Variants in DMXL2 observed in about 807,000 individuals in gnomAD.
DMXL2 encodes dmX-like protein 2.
A neutral mutation model predicts 331.1 loss-of-function variants in DMXL2; 103 were observed. That is an observed-to-expected ratio of 0.31 (90% CI 0.27 to 0.37). The LOEUF (loss-of-function observed/expected upper bound fraction) is 0.37. Ranked by LOEUF, DMXL2 falls within the 10% of genes least tolerant of loss-of-function variation. The probability of loss-of-function intolerance (pLI) is 1.00; values close to 1 mark genes in which losing one functional copy is unlikely to be tolerated. For missense variants in DMXL2, 3,171 were observed against 3,642.9 expected (o/e 0.87, Z 3.33); for synonymous variants, 1,281 against 1,252.1 (o/e 1.02, Z -0.49).
intron 1 of DMXL2, among the ~76,000 whole-genome samples, chr15:51,583,069 C>T (rs1334490509): frequency 6.8e-6 from 1 of 147,122 alleles, no homozygotes; most frequent in Non-Finnish European, 1.5e-5. Flanking sequence ...TCTTGAAGAA[C>T]TTTCTACATC....
At chr15:51,594,995 C>G (rs1456630821) in intron 1 of DMXL2, among the ~76,000 whole-genome samples, 1 of 152,190 alleles carries the variant, frequency 6.6e-6, no homozygotes. Flanking sequence ...GAAGCATTCC[C>G]TTTGAAAACT....
In DMXL2 at chr15:51,536,704, T is replaced by C. The variant is rs1458649487; in HGVS notation, c.1776A>G (p.Ser592=). 9 of 1,614,088 alleles carry C rather than the reference T, an allele frequency of 5.6e-6. No homozygotes were observed. Among genetic ancestry groups the C allele is most frequent in the Non-Finnish European group, 6.8e-6 (8 of 1,179,976 alleles). ...TACTGTGGGATCTAGAGTGTGGCTGTGATCCGTGAGGACTGCCTACAGACA... is the reference window on the plus strand; with the variant it reads ...TACTGTGGGATCTAGAGTGTGGCTGCGATCCGTGAGGACTGCCTACAGACA... The part of the protein sequence containing the change: ...EGMSVGSPHG[S]QPHSRSHSTH... The change falls in exon 12 of 44, where the codon TCA becomes TCG. Residue 592 remains serine, a synonymous_variant. Transcript: ENST00000560891.
At position 51,497,815 on chromosome 15, in the gene DMXL2, G is replaced by C. The variant is rs570222275; in HGVS notation, c.4672+737C>G. On this transcript the variant is annotated intron_variant, in intron 18 of 43. Coordinates refer to ENST00000560891, the MANE Select transcript of DMXL2 (RefSeq NM_001378457.1). ...AATTGTAAAAAGTTGTTTATGGCTA[G>C]AAATGGGAAGACCAACAAGTTGAGC... Among the ~76,000 whole-genome samples, 121 of 152,322 alleles carry C rather than the reference G, an allele frequency of 7.9e-4. 10 individuals carry two copies. In the East Asian group the frequency reaches 0.023, roughly 29 times the overall value.
At chr15:51,505,979 A>G (rs1319377038) in intron 16 of DMXL2, among the ~76,000 whole-genome samples, 1 of 152,246 alleles carries the variant, frequency 6.6e-6, no homozygotes, top group Non-Finnish European at 1.5e-5. Context: ...TCTTTGCTTC[A>G]TACTACAGAT....
chr15:51,594,099 A>G (rs1026689944), intron 1 of DMXL2, among the ~76,000 whole-genome samples: 1 of 151,896 alleles, frequency 6.6e-6, no homozygotes, highest in Admixed American at 6.6e-5. Flanking sequence ...GACACAAAAA[A>G]CCCTTCAAAA....
intron 16 of DMXL2, among the ~76,000 whole-genome samples, chr15:51,505,295 T>G (rs920416156): frequency 6.6e-6 from 1 of 152,230 alleles, no homozygotes; most frequent in Non-Finnish European, 1.5e-5. Flanking sequence ...TACTGTAATC[T>G]CATTGTCTGT....
chr15:51,480,706 A>ATCT lies in DMXL2; in HGVS notation c.6397_6399dup (p.Arg2133dup). 6.2e-7 allele frequency: 1 copy of ATCT among 1,609,668 alleles called. No individual in the cohort carries two copies. Among genetic ancestry groups the ATCT allele is most frequent in the Non-Finnish European group, 8.5e-7 (1 of 1,177,450 alleles). ...TCTGCATGCTCTCGTTTGGCCTGCA[A>ATCT]TCTTCTTCTTTCTATTTGATGGCGC... On this transcript the variant is annotated inframe_insertion, in exon 24 of 44. Transcript: ENST00000560891.
At chr15:51,611,757 G>A (rs149566685) in intron 1 of DMXL2, among the ~76,000 whole-genome samples, 1 of 152,294 alleles carries the variant, frequency 6.6e-6, no homozygotes, top group Non-Finnish European at 1.5e-5. Flanking sequence ...TGGGGACTTG[G>A]AGAACTTTTC....
rs931514844 is a variant in DMXL2, at chr15:51,459,739, G to T, written c.7927-79C>A. On this transcript the variant is annotated intron_variant, in intron 33 of 43. Coordinates refer to ENST00000560891, the MANE Select transcript of DMXL2 (RefSeq NM_001378457.1). Reference sequence around the variant, plus strand: ...TAAAGACAGTGAAATATTTCAAGCTGAAATGGCCACTCCACCACTTAAAGA... The same window carrying T: ...TAAAGACAGTGAAATATTTCAAGCTTAAATGGCCACTCCACCACTTAAAGA... 3 of 1,274,968 alleles carry T rather than the reference G, an allele frequency of 2.4e-6. No individual in the cohort carries two copies. The African/African-American group carries it at 4.6e-5, about 19-fold the overall frequency. 79.0% of individuals were successfully genotyped at this position (1,274,968 alleles called of 1,614,324 possible).
intron 23 of DMXL2, 27 bp from the exon 24 acceptor site, chr15:51,481,650 C>T (rs746228814): frequency 2.7e-6 from 4 of 1,508,916 alleles, no homozygotes; most frequent in Middle Eastern, 1.8e-4. Context: ...GATAAAATCA[C>T]AAAGCATTGT....
At chr15:51,452,825 A>T (rs946652206) in intron 41 of DMXL2, among the ~76,000 whole-genome samples, 2 of 152,242 alleles carry the variant, frequency 1.3e-5, no homozygotes, top group Non-Finnish European at 2.9e-5. Context: ...CACAATTGCA[A>T]AACTATGGAA....
In DMXL2 at chr15:51,499,727, T is replaced by C. The variant is rs781292284; in HGVS notation, c.3497A>G (p.Lys1166Arg). The change falls in exon 18 of 44, where the codon AAA (lysine) becomes AGA (arginine). Residue 1166 changes from lysine to arginine, a missense_variant. Coordinates refer to ENST00000560891, the MANE Select transcript of DMXL2 (RefSeq NM_001378457.1). ...SKDRYLIPNI[K>R]HLVHLDWVSK... ...TACCCAGTCCAAATGTACTAAATGTTTGATATTCGGAATAAGATATCTATC... is the reference window on the plus strand; with the variant it reads ...TACCCAGTCCAAATGTACTAAATGTCTGATATTCGGAATAAGATATCTATC... 6 of 1,614,140 alleles carry C rather than the reference T, an allele frequency of 3.7e-6. No individual in the cohort carries two copies. The Admixed American group carries it at 1.0e-4, about 27-fold the overall frequency.
intron 13 of DMXL2, 21 bp downstream of exon 13, chr15:51,535,642 T>C (rs771646844): frequency 5.7e-5 from 90 of 1,568,506 alleles, no homozygotes; most frequent in Non-Finnish European, 7.6e-5. Context: ...GATAAATTAA[T>C]AAAGATTATT....
chr15:51,463,280 C>G (rs2040287588), intron 33 of DMXL2, 99 bp downstream of exon 33: 2 of 737,788 alleles, frequency 2.7e-6, no homozygotes. Flanking sequence ...ATTACCCAAC[C>G]AGAAAGAAAA....
intron 16 of DMXL2, among the ~76,000 whole-genome samples, chr15:51,505,955 A>G (rs1183063974): frequency 6.6e-6 from 1 of 152,262 alleles, no homozygotes; most frequent in East Asian, 1.9e-4. Flanking sequence ...TTTTTAAAAA[A>G]TCTGTGATCA....
rs1327618137 is a variant in DMXL2, at chr15:51,535,693, T to C, written c.2406A>G (p.Leu802=). The stretch of plus-strand genomic sequence containing the variant: ...ATTCTGGGTCTGACAATTCATCTAA[T>C]AATTTCCTTGCATCCACTACAGCTT... ...LYQAVVDARK[L]LDELSDPESS... Residue 802 remains leucine, a synonymous_variant, in exon 13 of 44, where the codon TTA becomes TTG. Transcript: ENST00000560891. The C allele has an allele frequency of 2.5e-6, 4 of 1,606,506 alleles. No homozygotes were observed. The highest frequency in any genetic ancestry group is 3.4e-6 in the Non-Finnish European group (4 of 1,176,684).
rs2047071341 is a variant in DMXL2 at position 51,516,985 on chromosome 15, G to T, written c.2526+93C>A. 2.2e-5 allele frequency: 22 copies of T among 996,526 alleles called. No homozygotes were observed. The South Asian group carries it at 2.9e-4, about 13-fold the overall frequency. The allele number at this position is 996,526 out of a possible 1,614,324, so 61.7% of individuals were successfully genotyped here. On this transcript the variant is annotated intron_variant, in intron 14 of 43. Coordinates refer to ENST00000560891, the MANE Select transcript of DMXL2 (RefSeq NM_001378457.1). ...GTTGTCTGCATTTAATAACAAACAA[G>T]AAAATTATTCTGAGAATGACATATA...
intron 13 of DMXL2, among the ~76,000 whole-genome samples, chr15:51,517,973 A>G (rs997044191): frequency 3.3e-5 from 5 of 152,172 alleles, no homozygotes; most frequent in African/African-American, 1.2e-4. Flanking sequence ...GTAGGGCTGA[A>G]TTTACTGATA....
chr15:51,480,088 G>A lies in DMXL2; in HGVS notation c.6616C>T (p.Pro2206Ser). 1 of 1,597,878 alleles carries A rather than the reference G, an allele frequency of 6.3e-7. No individual in the cohort carries two copies. Residue 2206 changes from proline (P) to serine (S), a missense_variant, in exon 25 of 44, where the codon CCT becomes TCT. Physicochemically the swap from Pro to Ser is moderately conservative, Grantham distance 74 (BLOSUM62 -1). This residue lies in a region of DMXL2 where 197 missense variants were observed against 196.2 expected (regional missense o/e 1.00). Coordinates refer to ENST00000560891, the MANE Select transcript of DMXL2 (RefSeq NM_001378457.1). ...QSPLPLPTTL[P>S]LLSASIASTK... Reference sequence around the variant, plus strand: ...GACGCAATACTTGCTGAAAGCAGAGGTAGGGTGGTAGGCAGTGGTAGTGGA... The same window carrying A: ...GACGCAATACTTGCTGAAAGCAGAGATAGGGTGGTAGGCAGTGGTAGTGGA...
Sources: gnomAD v4.1 joint callset for allele counts (sites outside exome capture counted in the v4.1 genomes callset) on GRCh38, gnomAD v4.1.1 for gene constraint, gnomAD v4.1.1 regional missense constraint, MANE v1.5 for transcripts, NCBI Gene and HGNC (gene_info 2026-07-23, HGNC 2026-07-21) for gene names.